The following SEC14L3 variants were observed in gnomAD, a reference collection of about 807,000 sequenced individuals.
SEC14L3 encodes SEC14-like protein 3.
SEC14L3 carries 56 observed loss-of-function variants against 57.4 expected under a neutral mutation model. That is an observed-to-expected ratio of 0.97 (90% CI 0.79 to 1.22). SEC14L3 has a LOEUF of 1.22. Ranked by LOEUF, SEC14L3 falls within the 50% of genes most tolerant of loss-of-function variation. The pLI, the probability that SEC14L3 is intolerant of heterozygous loss-of-function variation, is 0.00. For missense variants in SEC14L3, 485 were observed against 511.7 expected, an observed-to-expected ratio of 0.95 and a Z score of 0.50; for synonymous variants, 173 against 194.4, an observed-to-expected ratio of 0.89 and a Z score of 0.92.
In SEC14L3 at chr22:30,461,591, A is replaced by G; in HGVS notation, c.875T>C (p.Val292Ala). 1 of 1,613,920 alleles carries G rather than the reference A, an allele frequency of 6.2e-7. No individual in the cohort carries two copies. Among genetic ancestry groups the G allele is most frequent in the Non-Finnish European group, 8.5e-7 (1 of 1,179,994 alleles). Residue 292 changes from valine to alanine, a missense_variant, in exon 10 of 12, where the codon GTG becomes GCG. Val to Ala is a moderately conservative substitution (Grantham distance 64). Coordinates refer to ENST00000215812, the MANE Select transcript of SEC14L3 (RefSeq NM_174975.5). ...VQINRGSSHQ[V>A]EYEILFPGCV... ...GCCTGGAAATAGGATCTCGTATTCC[A>G]CTTGGTGTGATGAGCCGCGGTTGAT... is the stretch of plus-strand genomic sequence containing the variant.
intron 12 of SEC14L3, among the ~76,000 whole-genome samples, chr22:30,452,246 C>CT (rs750537241): frequency 0.013 from 1,189 of 89,986 alleles, 20 homozygotes; most frequent in African/African-American, 0.017. Context: ...TTCTTTCTTT[C>CT]TTTTTTTTTT....
downstream of SEC14L3, among the ~76,000 whole-genome samples, chr22:30,457,645 A>C (rs2146094255): frequency 6.6e-6 from 1 of 150,948 alleles, no homozygotes; most frequent in East Asian, 2.0e-4. Flanking sequence ...GGCCTCCTAA[A>C]GTGTTGGGAT....
Position 30,459,707 on chromosome 22 carries a change from A to G in SEC14L3, c.*314T>C, listed in dbSNP as rs1156535082. 1 of 1,050,048 alleles carries G rather than the reference A, an allele frequency of 9.5e-7. No homozygotes were observed. Among genetic ancestry groups the G allele is most frequent in the Non-Finnish European group, 1.2e-6 (1 of 869,022 alleles). 65.0% of individuals were successfully genotyped at this position (1,050,048 alleles called of 1,614,324 possible). A position where few individuals can be genotyped will look rare whatever the true frequency, so the allele number is the denominator to read the frequency against. ...CCATACGGAAGGAATTCAAGCATAC[A>G]CACCTGCCTTAGGGTAGGTGAGGAC... On this transcript the variant is annotated 3_prime_UTR_variant, in exon 12 of 12. Coordinates refer to ENST00000215812, the MANE Select transcript of SEC14L3 (RefSeq NM_174975.5).
At chr22:30,456,760 C>G (rs1367761531), downstream of SEC14L3, among the ~76,000 whole-genome samples, 1 of 152,188 alleles carries the variant, frequency 6.6e-6, no homozygotes, top group Non-Finnish European at 1.5e-5. Context: ...TTTCCTTCCC[C>G]AATGCTGCCT....
chr22:30,464,696 G>T, intron 8 of SEC14L3, 124 bp downstream of exon 8: 5 of 858,700 alleles, frequency 5.8e-6, no homozygotes, highest in Non-Finnish European at 9.7e-6. Context: ...CTCCCAAAGT[G>T]CTGGGATTAC....
downstream of SEC14L3, among the ~76,000 whole-genome samples, chr22:30,458,173 C>G (rs930684305): frequency 2.0e-5 from 3 of 152,210 alleles, no homozygotes; most frequent in African/African-American, 7.2e-5. Flanking sequence ...AGAGTTGTGT[C>G]AGGGACTGGG....
chr22:30,465,006 T>A, intron 7 of SEC14L3, 103 bp from the exon 8 acceptor site: 3 of 1,546,770 alleles, frequency 1.9e-6, no homozygotes, highest in Non-Finnish European at 2.6e-6. Flanking sequence ...TGACTAACCC[T>A]GGTCAATTCC....
intron 7 of SEC14L3, among the ~76,000 whole-genome samples, chr22:30,465,966 T>G (rs1935404986): frequency 6.6e-6 from 1 of 152,052 alleles, no homozygotes; most frequent in Admixed American, 6.6e-5. Flanking sequence ...AGCAGAAAAC[T>G]CAGCCAGTAA....
chr22:30,471,790 G>C (rs1209794402), intron 1 of SEC14L3, 115 bp downstream of exon 1: 1 of 1,454,424 alleles, frequency 6.9e-7, no homozygotes, highest in Non-Finnish European at 9.6e-7. Context: ...ACACCAAAGA[G>C]ACAATGTCAA....
exon 13 of SEC14L3, chr22:30,449,137 C>A (rs1330877090): frequency 6.4e-7 from 1 of 1,550,576 alleles, no homozygotes; most frequent in East Asian, 2.4e-5. Flanking sequence ...CATTTTCGTA[C>A]CATTTGGTAT....
intron 8 of SEC14L3, among the ~76,000 whole-genome samples, chr22:30,463,347 C>A (rs1328021137): frequency 6.6e-6 from 1 of 152,226 alleles, no homozygotes; most frequent in Non-Finnish European, 1.5e-5. Context: ...TACCCGGTCC[C>A]CCAACCCCCT....
At chr22:30,461,140 G>T (rs1935242112) in intron 11 of SEC14L3, among the ~76,000 whole-genome samples, 170 bp downstream of exon 11, 1 of 152,218 alleles carries the variant, frequency 6.6e-6, no homozygotes, top group Admixed American at 6.5e-5. Flanking sequence ...TGCACAGTAG[G>T]TGCTCATGAA....
At chr22:30,456,267 C>A (rs1233382551), downstream of SEC14L3, among the ~76,000 whole-genome samples, 1 of 145,308 alleles carries the variant, frequency 6.9e-6, no homozygotes, top group Non-Finnish European at 1.5e-5. Flanking sequence ...CCACTGCATT[C>A]CTGCCTGGGC....
At chr22:30,470,326 T>C (rs1935564124) in intron 2 of SEC14L3, 71 bp from the exon 3 acceptor site, 2 of 1,594,642 alleles carry the variant, frequency 1.3e-6, no homozygotes, top group East Asian at 2.3e-5. Flanking sequence ...GTGGGAGCTA[T>C]GGAGGACACT....
intron 1 of SEC14L3, among the ~76,000 whole-genome samples, chr22:30,471,507 T>A (rs1382012861): frequency 6.6e-6 from 1 of 152,198 alleles, no homozygotes; most frequent in African/African-American, 2.4e-5. Flanking sequence ...TTTTACAGAC[T>A]GGTCATCTTT....
intron 12 of SEC14L3, among the ~76,000 whole-genome samples, chr22:30,452,428 T>C (rs2146083817): frequency 6.6e-6 from 1 of 151,896 alleles, no homozygotes; most frequent in Non-Finnish European, 1.5e-5. Context: ...GTATTTTTAG[T>C]AGAGACAGGG....
At chr22:30,463,650 C>G (rs139269768) in intron 8 of SEC14L3, among the ~76,000 whole-genome samples, 2 of 152,272 alleles carry the variant, frequency 1.3e-5, no homozygotes, top group Non-Finnish European at 2.9e-5. Flanking sequence ...TATAAGCTCC[C>G]CCTCACCCCT....
intron 2 of SEC14L3, 37 bp downstream of exon 2, chr22:30,470,470 G>C: frequency 6.2e-7 from 1 of 1,613,164 alleles, no homozygotes; most frequent in East Asian, 2.2e-5. Context: ...CCCTCTTGAT[G>C]CCCCCTGATC....
At chr22:30,455,629 T>C (rs1262335587), downstream of SEC14L3, among the ~76,000 whole-genome samples, 1 of 152,208 alleles carries the variant, frequency 6.6e-6, no homozygotes. Flanking sequence ...ATTTGTGGTC[T>C]CTGAAGGGGC....
Sources: gnomAD v4.1 joint callset for allele counts (sites outside exome capture counted in the v4.1 genomes callset) on GRCh38, gnomAD v4.1.1 for gene constraint, MANE v1.5 for transcripts, NCBI Gene and HGNC (gene_info 2026-07-23, HGNC 2026-07-21) for gene names.